TANK: variants seen among roughly 807,000 people sequenced by gnomAD.
TANK encodes the protein TRAF family member-associated NF-kappa-B activator.
A neutral mutation model predicts 43.6 loss-of-function variants in TANK; 15 were observed. That is an observed-to-expected ratio of 0.34 (90% CI 0.23 to 0.53). The LOEUF (loss-of-function observed/expected upper bound fraction) is 0.53. Among genes scored for constraint, TANK ranks in the 20% least tolerant of loss-of-function variants. The pLI, the probability that TANK is intolerant of heterozygous loss-of-function variation, is 0.94. For missense variants in TANK, 417 were observed against 498.6 expected, an observed-to-expected ratio of 0.84 and a Z score of 1.56; for synonymous variants, 162 against 178.2, an observed-to-expected ratio of 0.91 and a Z score of 0.73.
At chr2:161,149,350 G>A (rs1027799370) in intron 1 of TANK, among the ~76,000 whole-genome samples, 1 of 152,060 alleles carries the variant, frequency 6.6e-6, no homozygotes, top group Non-Finnish European at 1.5e-5. Flanking sequence ...CTGTAACTTT[G>A]CTAAATTCAT....
intron 1 of TANK, among the ~76,000 whole-genome samples, chr2:161,147,533 C>T (rs1222220954): frequency 2.0e-5 from 3 of 152,204 alleles, no homozygotes; most frequent in Non-Finnish European, 4.4e-5. Flanking sequence ...AGCACACTCA[C>T]TCACTGCCTC....
intron 7 of TANK, among the ~76,000 whole-genome samples, chr2:161,234,526 T>A (rs1559014493): frequency 1.3e-5 from 2 of 152,086 alleles, no homozygotes; most frequent in African/African-American, 4.8e-5. Flanking sequence ...TCTAGAAATT[T>A]AAAAAAAAGA....
At chr2:161,188,797 A>G (rs934562092) in intron 2 of TANK, among the ~76,000 whole-genome samples, 1 of 152,220 alleles carries the variant, frequency 6.6e-6, no homozygotes, top group Non-Finnish European at 1.5e-5. Flanking sequence ...TTGAAATTTA[A>G]TTGCCAGTAT....
intron 1 of TANK, among the ~76,000 whole-genome samples, chr2:161,176,147 A>G (rs1432953612): frequency 1.3e-5 from 2 of 152,186 alleles, no homozygotes; most frequent in Non-Finnish European, 2.9e-5. Context: ...TCTGGCAAAT[A>G]TTGTGGAAGA....
chr2:161,175,203 C>T (rs1018071518), intron 1 of TANK, among the ~76,000 whole-genome samples: 10 of 152,168 alleles, frequency 6.6e-5, no homozygotes, highest in Non-Finnish European at 1.5e-4. Flanking sequence ...ACCCAGCACA[C>T]TTCTGCTCAT....
At position 161,185,384 on chromosome 2, in the gene TANK, A is replaced by G. The variant is rs546342792; in HGVS notation, c.99+5623A>G. Among the ~76,000 whole-genome samples the G allele has an allele frequency of 3.3e-5, 5 of 152,202 alleles. No individual in the cohort carries two copies. The South Asian group carries it at 1.0e-3, about 32-fold the overall frequency. On this transcript the variant is annotated intron_variant, in intron 2 of 7. Transcript: ENST00000392749. ...GGCAGATTGTAGTAGGCTGAGGAGA[A>G]TTAGGGAATGAAGAAGTAAAGACAA...
chr2:161,137,242 G>A (rs1023053068), intron 1 of TANK: 1 of 985,198 alleles, frequency 1.0e-6, no homozygotes, highest in African/African-American at 1.7e-5. Flanking sequence ...TTTAAAAAAT[G>A]GCTGGACGTG....
chr2:161,195,630 T>C lies in TANK; in HGVS notation c.100-7857T>C, dbSNP rs186557801. Among the ~76,000 whole-genome samples the C allele has an allele frequency of 2.6e-5, 4 of 152,196 alleles. No individual in the cohort carries two copies. The East Asian group carries it at 5.8e-4, about 22-fold the overall frequency. The stretch of plus-strand genomic sequence containing the variant: ...AGCGTAAGGAGCCATTTAAGGTTTT[T>C]TGGGGGACAAGGGTGAGGGGTAGGG... On this transcript the variant is annotated intron_variant, in intron 2 of 7. Coordinates refer to ENST00000392749, the MANE Select transcript of TANK (RefSeq NM_001199135.3).
intron 6 of TANK, among the ~76,000 whole-genome samples, chr2:161,230,188 A>G (rs544586721): frequency 1.5e-4 from 23 of 152,294 alleles, no homozygotes; most frequent in East Asian, 3.9e-4. Flanking sequence ...TCATCTATCT[A>G]TGAACCTTGT....
At position 161,222,244 on chromosome 2, in the gene TANK, C is replaced by CT. The variant is rs540872310; in HGVS notation, c.328-1663dup. Reference sequence around the variant, plus strand: ...TAGGCTAAAACTACAGGGCATTACTCTTTTTTTTGTTTTGTTTTTTGTTGT... The same window carrying CT: ...TAGGCTAAAACTACAGGGCATTACTCTTTTTTTTTGTTTTGTTTTTTGTTGT... On this transcript the variant is annotated intron_variant, in intron 4 of 7. Transcript: ENST00000392749. 1.4e-4 allele frequency among the ~76,000 whole-genome samples: 21 copies of CT among 151,772 alleles called. No individual in the cohort carries two copies. The East Asian group carries it at 3.5e-3, about 25-fold the overall frequency.
intron 4 of TANK, chr2:161,223,004 G>A (rs181718791): frequency 1.3e-5 from 2 of 152,116 alleles, no homozygotes; most frequent in African/African-American, 4.8e-5. Flanking sequence ...GTACTTCAGT[G>A]ATAAGACACA....
rs765483940 is a variant in TANK at position 161,231,332 on chromosome 2, C to A, written c.882C>A (p.Asp294Glu). 4.6e-5 allele frequency: 75 copies of A among 1,614,038 alleles called. No homozygotes were observed. Among genetic ancestry groups the A allele is most frequent in the Non-Finnish European group, 1.4e-5 (16 of 1,180,002 alleles). Reference sequence around the variant, plus strand: ...CTTTATTTGAAATTCAGGGAATTGACCCCATAGCTTCAGCTATACAAAACC... The same window carrying A: ...CTTTATTTGAAATTCAGGGAATTGAACCCATAGCTTCAGCTATACAAAACC... ...EETLFEIQGIDPIASAIQNLK... is the reference protein window; with the variant it reads ...EETLFEIQGIEPIASAIQNLK... The change falls in exon 7 of 8, where the codon GAC becomes GAA. Residue 294 changes from aspartate (D) to glutamate (E), a missense_variant. Physicochemically the swap from Asp to Glu is conservative, Grantham distance 45 (BLOSUM62 2). Transcript: ENST00000392749.
intron 1 of TANK, 153 bp from the exon 2 acceptor site, chr2:161,179,461 A>G (rs1685319806): frequency 1.8e-6 from 1 of 567,378 alleles, no homozygotes; most frequent in African/African-American, 1.9e-5. Context: ...GTTTCATACA[A>G]TTTCTAGTCA....
At chr2:161,193,427 A>T (rs1353474623) in intron 2 of TANK, among the ~76,000 whole-genome samples, 2 of 152,140 alleles carry the variant, frequency 1.3e-5, no homozygotes, top group Non-Finnish European at 2.9e-5. Context: ...ATAAAAGTTG[A>T]CTTTTGTCTG....
intron 4 of TANK, chr2:161,222,968 G>T (rs1299755129): frequency 6.6e-6 from 1 of 152,010 alleles, no homozygotes; most frequent in African/African-American, 2.4e-5. Flanking sequence ...GAAATTGAAA[G>T]AAATCTTTTG....
At chr2:161,187,649 TTAAA>T (rs1436121923) in intron 2 of TANK, among the ~76,000 whole-genome samples, 5 of 152,088 alleles carry the variant, frequency 3.3e-5, no homozygotes, top group African/African-American at 1.2e-4. Flanking sequence ...TTTAAACACT[TTAAA>T]TAATGGATAG....
At chr2:161,155,726 C>T (rs1684206399), upstream of TANK, among the ~76,000 whole-genome samples, 1 of 152,150 alleles carries the variant, frequency 6.6e-6, no homozygotes, top group Non-Finnish European at 1.5e-5. Flanking sequence ...TACCAGAAGC[C>T]TTCCTTCACC....
chr2:161,160,313 G>A (rs1684349748), upstream of TANK: 1 of 690,788 alleles, frequency 1.4e-6, no homozygotes, highest in Admixed American at 4.3e-5. Flanking sequence ...GCCCTGGGCT[G>A]GGTGGGGCAG....
chr2:161,207,802 G>A (rs1267729096), intron 4 of TANK: 1 of 985,226 alleles, frequency 1.0e-6, no homozygotes, highest in Non-Finnish European at 1.2e-6. Flanking sequence ...AAAAATCCAT[G>A]TCTGTTGCAG....
Sources: allele counts gnomAD v4.1 joint callset (sites outside exome capture counted in the v4.1 genomes callset), GRCh38; gene constraint gnomAD v4.1.1; transcripts MANE v1.5; gene names NCBI Gene and HGNC (gene_info 2026-07-23, HGNC 2026-07-21).